Variants in RNF182 observed in about 807,000 individuals in gnomAD.
RNF182 encodes the protein ring finger protein 182.
A neutral mutation model predicts 14.4 loss-of-function variants in RNF182; 15 were observed. That is an observed-to-expected ratio of 1.04 (90% CI 0.70 to 1.60). The LOEUF is 1.60. RNF182 is among the 40% of genes most tolerant of loss of function. The pLI, the probability that RNF182 is intolerant of heterozygous loss-of-function variation, is 0.00. For synonymous variants in RNF182, 128 were observed against 122.9 expected, an observed-to-expected ratio of 1.04 and a Z score of -0.27; for missense variants, 268 against 294.8, an observed-to-expected ratio of 0.91 and a Z score of 0.67.
In RNF182 at chr6:13,978,136, A is replaced by G; in HGVS notation, c.*273A>G. On this transcript the variant is annotated 3_prime_UTR_variant, in exon 3 of 3. Transcript: ENST00000488300. ...GAGAAAGGACAGGGTTTCTCTCAGCACTGCCAGACAGACGGCAGGGGTGTG... is the reference window on the plus strand; with the variant it reads ...GAGAAAGGACAGGGTTTCTCTCAGCGCTGCCAGACAGACGGCAGGGGTGTG... 1 of 379,612 alleles carries G rather than the reference A, an allele frequency of 2.6e-6. No homozygotes were observed. 23.5% of individuals were successfully genotyped at this position (379,612 alleles called of 1,614,324 possible). A position where few individuals can be genotyped will look rare whatever the true frequency, so the allele number is the denominator to read the frequency against.
At chr6:13,965,731 G>T (rs1485577598) in intron 1 of RNF182, among the ~76,000 whole-genome samples, 1 of 152,194 alleles carries the variant, frequency 6.6e-6, no homozygotes, top group East Asian at 1.9e-4. Context: ...TCACCACACA[G>T]AAAGCCAATC....
chr6:13,942,712 C>T (rs1278654875), intron 1 of RNF182, among the ~76,000 whole-genome samples: 2 of 152,108 alleles, frequency 1.3e-5, no homozygotes, highest in Non-Finnish European at 1.5e-5. Context: ...TTCCTCTGCT[C>T]CTAGAAGTAC....
At chr6:13,955,706 A>G (rs971000006) in intron 1 of RNF182, among the ~76,000 whole-genome samples, 1 of 152,274 alleles carries the variant, frequency 6.6e-6, no homozygotes, top group Non-Finnish European at 1.5e-5. Flanking sequence ...TGTAAATTGT[A>G]TGAGTGGTCT....
At chr6:13,946,039 A>T (rs991043550) in intron 1 of RNF182, among the ~76,000 whole-genome samples, 2 of 152,056 alleles carry the variant, frequency 1.3e-5, no homozygotes, top group Admixed American at 1.3e-4. Context: ...CAAAGGAAAA[A>T]GTCATGGGGA....
chr6:13,957,018 A>C (rs1356004017), intron 1 of RNF182, among the ~76,000 whole-genome samples: 1 of 152,088 alleles, frequency 6.6e-6, no homozygotes, highest in Non-Finnish European at 1.5e-5. Context: ...ATGAAATGCC[A>C]CACAGTTTCC....
At chr6:13,960,370 A>G (rs796582209) in intron 1 of RNF182, among the ~76,000 whole-genome samples, 3 of 152,298 alleles carry the variant, frequency 2.0e-5, no homozygotes, top group Admixed American at 6.5e-5. Context: ...GGCCAGGTGC[A>G]ATGGCTTATA....
chr6:13,944,947 G>A (rs1306964889), intron 1 of RNF182, among the ~76,000 whole-genome samples: 2 of 151,094 alleles, frequency 1.3e-5, no homozygotes, highest in Non-Finnish European at 3.0e-5. Context: ...TTGCTAAGCT[G>A]CTTACTAAGT....
At chr6:13,924,627 G>C (rs780371328), upstream of RNF182, 5 of 152,490 alleles carry the variant, frequency 3.3e-5, no homozygotes, top group Admixed American at 1.3e-4. Flanking sequence ...GGTGCGACGG[G>C]AGTTGGAATG....
chr6:13,961,099 T>C (rs1203594856), intron 1 of RNF182, among the ~76,000 whole-genome samples: 1 of 152,164 alleles, frequency 6.6e-6, no homozygotes, highest in Non-Finnish European at 1.5e-5. Context: ...AAAAGAGAAA[T>C]AATGACATTT....
chr6:13,925,313 G>A (rs1687235204), intron 1 of RNF182: 2 of 152,164 alleles, frequency 1.3e-5, no homozygotes, highest in Middle Eastern at 3.4e-3. Context: ...CCCCTCTGTT[G>A]TTGTTGTTAT....
chr6:13,958,386 A>AAAT (rs983567397), intron 1 of RNF182, among the ~76,000 whole-genome samples: 8 of 151,964 alleles, frequency 5.3e-5, no homozygotes, highest in East Asian at 1.9e-4. Flanking sequence ...CTCCATCTCA[A>AAAT]AATAATAATA....
chr6:13,935,772 C>T (rs1759093966), intron 1 of RNF182, among the ~76,000 whole-genome samples: 1 of 152,130 alleles, frequency 6.6e-6, no homozygotes, highest in Non-Finnish European at 1.5e-5. Context: ...AATAAGACAT[C>T]TTACTATGAT....
chr6:13,977,542 C>G lies in RNF182; in HGVS notation c.423C>G (p.Ser141=), dbSNP rs1201361728. 1 of 1,614,120 alleles carries G rather than the reference C, an allele frequency of 6.2e-7. No individual in the cohort carries two copies. Among genetic ancestry groups the G allele is most frequent in the East Asian group, 2.2e-5 (1 of 44,880 alleles). ...ITIMEVQRES[S]PSLSSTPVVE... Reference sequence around the variant, plus strand: ...TCATGGAGGTGCAGAGAGAGAGCTCCCCGTCCCTGAGCTCCACTCCTGTGG... The same window carrying G: ...TCATGGAGGTGCAGAGAGAGAGCTCGCCGTCCCTGAGCTCCACTCCTGTGG... Residue 141 remains serine, a synonymous_variant, in exon 3 of 3, where the codon TCC becomes TCG. Coordinates refer to ENST00000488300, the MANE Select transcript of RNF182 (RefSeq NM_152737.4).
chr6:13,933,543 A>T (rs1759029417), intron 1 of RNF182, among the ~76,000 whole-genome samples: 1 of 152,120 alleles, frequency 6.6e-6, no homozygotes, highest in Admixed American at 6.5e-5. Flanking sequence ...AGTAAAAAGT[A>T]ATTATTTTTA....
At chr6:13,973,142 T>C (rs1760236434) in intron 1 of RNF182, among the ~76,000 whole-genome samples, 1 of 152,216 alleles carries the variant, frequency 6.6e-6, no homozygotes, top group South Asian at 2.1e-4. Flanking sequence ...TGCTGGATTT[T>C]GGACTTGCAT....
chr6:13,963,065 G>A (rs1383890513), intron 1 of RNF182, among the ~76,000 whole-genome samples: 2 of 152,132 alleles, frequency 1.3e-5, no homozygotes, highest in African/African-American at 2.4e-5. Flanking sequence ...ATGTTCATAT[G>A]CCTATTAAGT....
intron 1 of RNF182, among the ~76,000 whole-genome samples, chr6:13,946,911 A>G (rs1303284623): frequency 6.6e-6 from 1 of 152,202 alleles, no homozygotes; most frequent in Non-Finnish European, 1.5e-5. Context: ...AAGGTCATTC[A>G]AAACTCTGAG....
chr6:13,926,420 G>A (rs1016968523), intron 1 of RNF182, among the ~76,000 whole-genome samples: 2 of 152,176 alleles, frequency 1.3e-5, no homozygotes, highest in African/African-American at 4.8e-5. Flanking sequence ...TTCTCAGTCT[G>A]TTCATATTTG....
At chr6:13,932,196 G>T (rs533836565) in intron 1 of RNF182, among the ~76,000 whole-genome samples, 1 of 152,298 alleles carries the variant, frequency 6.6e-6, no homozygotes, top group Admixed American at 6.5e-5. Context: ...TGATTGTGAG[G>T]ATTAAATGAA....
Sources: allele counts gnomAD v4.1 joint callset (sites outside exome capture counted in the v4.1 genomes callset), GRCh38; gene constraint gnomAD v4.1.1; transcripts MANE v1.5; gene names NCBI Gene and HGNC (gene_info 2026-07-23, HGNC 2026-07-21).